Variants in TENM2 observed in about 807,000 individuals in gnomAD.
TENM2 encodes teneurin-2.
Under a neutral mutation model 245.2 loss-of-function variants are expected in TENM2, and 52 were observed. That is an observed-to-expected ratio of 0.21 (90% confidence interval 0.17 to 0.27). The LOEUF is 0.27. Ranked by LOEUF, TENM2 falls within the 10% of genes least tolerant of loss-of-function variation. TENM2 has a pLI of 1.00. For synonymous variants in TENM2, 1,363 were observed against 1,438.9 expected (o/e 0.95, Z 1.19); for missense variants, 3,046 against 3,666.8 (o/e 0.83, Z 4.37).
At chr5:167,228,741 G>C in the TENM2 span, among the ~76,000 whole-genome samples, 2 of 149,196 alleles carry the variant, frequency 1.3e-5, no homozygotes, top group East Asian at 2.0e-4. Context: ...GTCTCGCTCT[G>C]TCGCCCAGGC....
In TENM2 at chr5:168,123,802, A is replaced by G. The variant is rs150391891; in HGVS notation, c.2009-1048A>G. On this transcript the variant is annotated intron_variant, in intron 10 of 28. Coordinates refer to ENST00000518659, the Ensembl canonical transcript of TENM2. ...CCACCATTTCTCATTCAAACCGTAT[A>G]TTACACAAAGAACCCTCTTCTCCAA... Among the ~76,000 whole-genome samples the G allele has an allele frequency of 2.4e-4, 36 of 152,350 alleles. No individual in the cohort carries two copies. The Middle Eastern group carries it at 0.01, about 43-fold the overall frequency.
At chr5:167,505,636 A>C (rs1286487687) in intron 2 of TENM2, among the ~76,000 whole-genome samples, 1 of 152,196 alleles carries the variant, frequency 6.6e-6, no homozygotes, top group African/African-American at 2.4e-5. Context: ...GGAGTGGTAC[A>C]AACTGAGTAC....
At chr5:167,223,138 G>A in the TENM2 span, among the ~76,000 whole-genome samples, 1 of 152,012 alleles carries the variant, frequency 6.6e-6, no homozygotes. Context: ...ATGTACTTAA[G>A]AGTGTCCATC....
the TENM2 span, among the ~76,000 whole-genome samples, chr5:166,985,207 C>T: frequency 6.6e-6 from 1 of 152,026 alleles, no homozygotes; most frequent in Admixed American, 6.6e-5. Context: ...TTGTGTCCAG[C>T]TCATTTCTAT....
rs551598497 is a variant in TENM2, at chr5:167,856,793, C to T, written c.503-19193C>T. ...TCCTACTTCCCACTGAATGCCAAAA[C>T]ATTGTCTACAGCCTTGCTGACAAGA... On this transcript the variant is annotated intron_variant, in intron 2 of 28. Coordinates refer to ENST00000518659, the Ensembl canonical transcript of TENM2. 3.3e-4 allele frequency among the ~76,000 whole-genome samples: 50 copies of T among 152,314 alleles called. 1 individual carries two copies. Among genetic ancestry groups the T allele is most frequent in the African/African-American group, 1.1e-3 (45 of 41,564 alleles).
At position 167,825,048 on chromosome 5, in the gene TENM2, C is replaced by T. The variant is rs115245607; in HGVS notation, c.503-50938C>T. ...GTGTGTTTGGAGACAAATTTTCAAG[C>T]GTCCCCACTTGGAAATCTGGTTGGG... On this transcript the variant is annotated intron_variant, in intron 2 of 28. Transcript: ENST00000518659. Among the ~76,000 whole-genome samples the T allele has an allele frequency of 5.4e-3, 819 of 152,106 alleles. 9 individuals are homozygous for T. Among genetic ancestry groups the T allele is most frequent in the African/African-American group, 0.019 (785 of 41,500 alleles).
At chr5:167,052,373 A>G in the TENM2 span, among the ~76,000 whole-genome samples, 5 of 152,176 alleles carry the variant, frequency 3.3e-5, no homozygotes, top group Non-Finnish European at 7.4e-5. Context: ...TTTACATTTC[A>G]TTCCCAACAC....
intron 13 of TENM2, among the ~76,000 whole-genome samples, chr5:168,173,139 C>A (rs1483290962): frequency 6.6e-6 from 1 of 152,168 alleles, no homozygotes. Context: ...GGCACACTAC[C>A]TCTTTCATTT....
intron 3 of TENM2, among the ~76,000 whole-genome samples, chr5:167,926,765 A>ACACAC (rs1561942518): frequency 7.8e-6 from 1 of 128,690 alleles, no homozygotes. Flanking sequence ...CACACACACA[A>ACACAC]GACCTTAGTG....
intron 6 of TENM2, among the ~76,000 whole-genome samples, chr5:168,051,863 C>T (rs147636180): frequency 1.3e-5 from 2 of 152,182 alleles, no homozygotes; most frequent in Non-Finnish European, 2.9e-5. Flanking sequence ...AAATGATCCA[C>T]GAGTCTTAGT....
chr5:167,235,967 G>T, the TENM2 span, among the ~76,000 whole-genome samples: 4 of 152,122 alleles, frequency 2.6e-5, no homozygotes. Flanking sequence ...AGGAAGAAGG[G>T]TGACTGGATA....
intron 2 of TENM2, among the ~76,000 whole-genome samples, chr5:167,710,584 T>A (rs1354489858): frequency 1.3e-5 from 2 of 152,112 alleles, no homozygotes; most frequent in African/African-American, 2.4e-5. Flanking sequence ...TGAGAAATAG[T>A]ATGGTGTCTT....
the TENM2 span, among the ~76,000 whole-genome samples, chr5:167,063,440 T>A: frequency 5.8e-4 from 88 of 152,314 alleles, no homozygotes; most frequent in East Asian, 0.011. Context: ...GATTCCTATT[T>A]AGTAGACCTG....
intron 13 of TENM2, among the ~76,000 whole-genome samples, chr5:168,168,191 G>A (rs1008547302): frequency 1.3e-5 from 2 of 152,184 alleles, no homozygotes; most frequent in Non-Finnish European, 2.9e-5. Context: ...GCACCCCAGA[G>A]TGTCTGATAC....
At chr5:167,767,244 C>G (rs1372120860) in intron 2 of TENM2, among the ~76,000 whole-genome samples, 1 of 152,178 alleles carries the variant, frequency 6.6e-6, no homozygotes, top group Non-Finnish European at 1.5e-5. Flanking sequence ...CTGACACATA[C>G]TACAACATGG....
intron 10 of TENM2, among the ~76,000 whole-genome samples, chr5:168,124,242 C>T (rs1337626978): frequency 6.6e-6 from 1 of 152,228 alleles, no homozygotes; most frequent in African/African-American, 2.4e-5. Context: ...CTCTTCTATA[C>T]TGCACATTTA....
the TENM2 span, among the ~76,000 whole-genome samples, chr5:167,106,011 C>G: frequency 6.9e-6 from 1 of 144,612 alleles, no homozygotes; most frequent in Non-Finnish European, 1.5e-5. Flanking sequence ...TGATGTGAAT[C>G]GACAGAGTTT....
intron 4 of TENM2, among the ~76,000 whole-genome samples, 152 bp from the exon 7 acceptor site, chr5:167,992,792 C>T (rs192876368): frequency 1.3e-4 from 20 of 152,230 alleles, no homozygotes; most frequent in Admixed American, 2.6e-4. Context: ...ATGTCATCAT[C>T]GAATGTAATG....
At chr5:167,570,142 G>T (rs11948504) in intron 2 of TENM2, among the ~76,000 whole-genome samples, 129,662 of 152,156 alleles carry the variant, frequency 0.85, 55,383 homozygotes, top group East Asian at 0.94. Flanking sequence ...AGGCTGGGCG[G>T]ACAGTAAGCT....
Sources: gnomAD v4.1 joint callset for allele counts (sites outside exome capture counted in the v4.1 genomes callset) on GRCh38, gnomAD v4.1.1 for gene constraint, MANE v1.5 for transcripts, NCBI Gene and HGNC (gene_info 2026-07-23, HGNC 2026-07-21) for gene names.